Variants in ESRRG observed in about 807,000 individuals in gnomAD.
ESRRG encodes estrogen-related receptor gamma.
In ESRRG, 13 loss-of-function variants were observed where a neutral mutation model predicts 44.0. The ratio of observed to expected loss-of-function variants is 0.30; its 90% confidence interval spans 0.19 to 0.47. The LOEUF (loss-of-function observed/expected upper bound fraction) is 0.47, where lower values mean the gene tolerates loss of function less well. Ranked by LOEUF, ESRRG falls within the 20% of genes least tolerant of loss-of-function variation. ESRRG has a pLI of 1.00. For missense variants in ESRRG, 395 were observed against 580.6 expected (o/e 0.68, Z 3.29); for synonymous variants, 215 against 214.6 (o/e 1.00, Z -0.02).
At chr1:216,640,939 G>C (rs905281716) in intron 3 of ESRRG, among the ~76,000 whole-genome samples, 2 of 152,162 alleles carry the variant, frequency 1.3e-5, no homozygotes, top group East Asian at 3.9e-4. Flanking sequence ...TCTAGTGCCT[G>C]AGCAAATGTT....
At chr1:217,070,428 C>T (rs2090404864) in intron 1 of ESRRG, among the ~76,000 whole-genome samples, 1 of 151,612 alleles carries the variant, frequency 6.6e-6, no homozygotes, top group African/African-American at 2.4e-5. Context: ...ATCGCCCAGG[C>T]TGGAGTGCAG....
At chr1:217,110,555 G>A (rs1379690795) in intron 1 of ESRRG, among the ~76,000 whole-genome samples, 2 of 152,132 alleles carry the variant, frequency 1.3e-5, no homozygotes, top group East Asian at 1.9e-4. Context: ...TGGCTTCTAG[G>A]GAAGCCTTAA....
intron 1 of ESRRG, among the ~76,000 whole-genome samples, chr1:216,961,910 A>G (rs1167375110): frequency 6.6e-6 from 1 of 152,148 alleles, no homozygotes; most frequent in Non-Finnish European, 1.5e-5. Flanking sequence ...ATTGTGACAT[A>G]ATCTTTACCA....
At chr1:216,714,542 G>A in intron 1 of ESRRG, 3 of 970,038 alleles carry the variant, frequency 3.1e-6, no homozygotes, top group Non-Finnish European at 3.7e-6. Flanking sequence ...AAGATAGAAA[G>A]CAAGGCTGTC....
chr1:217,039,925 A>G (rs2083543254), intron 1 of ESRRG, among the ~76,000 whole-genome samples: 1 of 151,756 alleles, frequency 6.6e-6, no homozygotes, highest in Admixed American at 6.6e-5. Flanking sequence ...AACTGCATCC[A>G]CTCTGTCTTA....
intron 1 of ESRRG, among the ~76,000 whole-genome samples, chr1:217,115,734 C>T (rs1442476137): frequency 1.3e-5 from 2 of 152,046 alleles, no homozygotes; most frequent in East Asian, 3.9e-4. Context: ...GTTGTCTTCC[C>T]TTCCTGTTTC....
At chr1:216,723,843 A>C (rs2086927108), upstream of ESRRG, among the ~76,000 whole-genome samples, 1 of 152,042 alleles carries the variant, frequency 6.6e-6, no homozygotes, top group South Asian at 2.1e-4. Flanking sequence ...TTTGCCTTGA[A>C]AAGGAGAACT....
chr1:217,060,818 A>AGATAAATAGATAGAT (rs2088250069), intron 1 of ESRRG, among the ~76,000 whole-genome samples: 2 of 150,016 alleles, frequency 1.3e-5, no homozygotes, highest in Admixed American at 1.3e-4. Context: ...ATAGATAGAT[A>AGATAAATAGATAGAT]GATAGATAGA....
intron 1 of ESRRG, among the ~76,000 whole-genome samples, chr1:217,076,638 T>C (rs2091323070): frequency 6.6e-6 from 1 of 152,020 alleles, no homozygotes; most frequent in South Asian, 2.1e-4. Flanking sequence ...CTAAAGCAAA[T>C]AACAGTTTTC....
At chr1:216,653,088 C>T (rs1052339748) in intron 2 of ESRRG, among the ~76,000 whole-genome samples, 1 of 152,184 alleles carries the variant, frequency 6.6e-6, no homozygotes, top group Non-Finnish European at 1.5e-5. Flanking sequence ...TAGTCCTACG[C>T]ACCTTTAACC....
At chr1:216,741,429 C>G (rs797019575) in intron 2 of ESRRG, among the ~76,000 whole-genome samples, 1 of 150,364 alleles carries the variant, frequency 6.7e-6, no homozygotes, top group East Asian at 2.0e-4. Context: ...CACTCCCCCC[C>G]GCCCCTGCAC....
chr1:216,648,816 T>A (rs1357286908), intron 3 of ESRRG, among the ~76,000 whole-genome samples: 1 of 152,146 alleles, frequency 6.6e-6, no homozygotes, highest in Non-Finnish European at 1.5e-5. Context: ...ATGGATTTGC[T>A]TTTGAAAAAT....
intron 2 of ESRRG, among the ~76,000 whole-genome samples, chr1:216,735,896 T>G (rs2089774739): frequency 6.7e-6 from 1 of 150,280 alleles, no homozygotes; most frequent in African/African-American, 2.4e-5. Context: ...GAGAATTGCT[T>G]GAACCTAGGA....
chr1:217,039,029 C>T (rs966523133), intron 1 of ESRRG, among the ~76,000 whole-genome samples: 2 of 152,072 alleles, frequency 1.3e-5, no homozygotes, highest in African/African-American at 4.8e-5. Context: ...CAAAATGTTG[C>T]CAGTCTCTTT....
intron 1 of ESRRG, among the ~76,000 whole-genome samples, chr1:217,111,467 A>G (rs1435132357): frequency 6.6e-6 from 1 of 152,252 alleles, no homozygotes; most frequent in African/African-American, 2.4e-5. Flanking sequence ...AGGGGTTCAC[A>G]TGATTTCAAA....
chr1:216,655,921 T>C (rs958321939), intron 2 of ESRRG, among the ~76,000 whole-genome samples: 7 of 152,252 alleles, frequency 4.6e-5, no homozygotes, highest in African/African-American at 1.4e-4. Flanking sequence ...GCTTTTTCTA[T>C]TCAATAAAGA....
At chr1:216,570,812 A>G (rs1040702487) in intron 3 of ESRRG, among the ~76,000 whole-genome samples, 4 of 152,220 alleles carry the variant, frequency 2.6e-5, no homozygotes, top group African/African-American at 9.6e-5. Context: ...GAAAGCTGAC[A>G]GAATAAATCT....
At chr1:216,515,394 C>T (rs1301946263) in intron 6 of ESRRG, among the ~76,000 whole-genome samples, 1 of 151,948 alleles carries the variant, frequency 6.6e-6, no homozygotes, top group African/African-American at 2.4e-5. Context: ...ATAATGAAAA[C>T]ACACTAAGTC....
intron 1 of ESRRG, among the ~76,000 whole-genome samples, chr1:217,057,147 C>G (rs995006871): frequency 2.6e-5 from 4 of 152,054 alleles, no homozygotes; most frequent in Non-Finnish European, 5.9e-5. Context: ...CCATATGGAA[C>G]AAGAGTCTAA....
Sources: allele counts gnomAD v4.1 joint callset (sites outside exome capture counted in the v4.1 genomes callset), GRCh38; gene constraint gnomAD v4.1.1; transcripts MANE v1.5; gene names NCBI Gene and HGNC (gene_info 2026-07-23, HGNC 2026-07-21).